The following DNER variants were observed in gnomAD, a reference collection of about 807,000 sequenced individuals.
The protein encoded by DNER is delta and Notch-like epidermal growth factor-related receptor.
In DNER, 33 loss-of-function variants were observed where a neutral mutation model predicts 78.2. The ratio of observed to expected loss-of-function variants is 0.42; its 90% confidence interval spans 0.32 to 0.56. The LOEUF (loss-of-function observed/expected upper bound fraction) is 0.56, where lower values mean the gene tolerates loss of function less well. DNER is among the 20% of genes least tolerant of loss of function. The pLI, the probability that DNER is intolerant of heterozygous loss-of-function variation, is 0.11. For synonymous variants in DNER, 417 were observed against 384.8 expected (o/e 1.08, Z -0.98); for missense variants, 918 against 975.3 (o/e 0.94, Z 0.78).
intron 6 of DNER, among the ~76,000 whole-genome samples, chr2:229,501,889 T>G (rs1241895140): frequency 6.6e-6 from 1 of 152,184 alleles, no homozygotes; most frequent in Non-Finnish European, 1.5e-5. Context: ...CAGCAGCTCA[T>G]AGTTGACCAA....
intron 6 of DNER, among the ~76,000 whole-genome samples, chr2:229,478,469 C>T (rs1390273720): frequency 1.3e-5 from 2 of 152,064 alleles, no homozygotes; most frequent in African/African-American, 4.8e-5. Flanking sequence ...GCATTCAAGC[C>T]GTGTAGGAGA....
rs140067137 is a variant in DNER, at chr2:229,523,309, C to T, written c.994-10373G>A. ...TATTCGTTTGCTAGGGCTGCCGTAA[C>T]GAAGTATCACAGAGTAGGTGGCTTA... On this transcript the variant is annotated intron_variant, in intron 5 of 12. Coordinates refer to ENST00000341772, the MANE Select transcript of DNER (RefSeq NM_139072.4). Among the ~76,000 whole-genome samples the T allele has an allele frequency of 6.6e-3, 1,010 of 152,340 alleles. 7 individuals are homozygous for T. The highest frequency in any genetic ancestry group is 0.023 in the African/African-American group (948 of 41,562).
At chr2:229,588,184 T>G (rs1697534712) in intron 3 of DNER, among the ~76,000 whole-genome samples, 3 of 152,194 alleles carry the variant, frequency 2.0e-5, no homozygotes, top group Admixed American at 6.5e-5. Flanking sequence ...AATTTCTCAA[T>G]TCCACTTGTC....
At chr2:229,706,272 C>T (rs923025490) in intron 1 of DNER, among the ~76,000 whole-genome samples, 2 of 151,948 alleles carry the variant, frequency 1.3e-5, no homozygotes, top group Non-Finnish European at 2.9e-5. Context: ...ATTTTTGGGC[C>T]GGACACAGTG....
intron 1 of DNER, among the ~76,000 whole-genome samples, chr2:229,665,283 C>T (rs897269986): frequency 6.6e-6 from 1 of 151,954 alleles, no homozygotes. Context: ...TTAAAGGACC[C>T]AGCAGAAAGA....
intron 4 of DNER, among the ~76,000 whole-genome samples, chr2:229,574,304 G>T (rs1168550876): frequency 1.1e-4 from 16 of 152,152 alleles, no homozygotes; most frequent in South Asian, 2.1e-4. Context: ...TTGAAATTCT[G>T]CCCAAAGAAG....
Position 229,492,770 on chromosome 2 carries a change from G to A in DNER, c.1148-15517C>T, listed in dbSNP as rs542600396. 3.9e-5 allele frequency among the ~76,000 whole-genome samples: 6 copies of A among 152,338 alleles called. 1 individual carries two copies. In the South Asian group the frequency reaches 1.2e-3, roughly 32 times the overall value. ...TGCAGCCTCAAACACCTGGGTTCAA[G>A]CTAACCTCCTGCGGCAGCCTCTGAA... On this transcript the variant is annotated intron_variant, in intron 6 of 12. Transcript: ENST00000341772.
chr2:229,505,666 A>G (rs1695724274), intron 6 of DNER, among the ~76,000 whole-genome samples: 1 of 152,242 alleles, frequency 6.6e-6, no homozygotes, highest in Non-Finnish European at 1.5e-5. Context: ...ATTAAACAAG[A>G]AAGACCTTTC....
At chr2:229,618,080 G>A (rs1436116927) in intron 1 of DNER, among the ~76,000 whole-genome samples, 1 of 152,204 alleles carries the variant, frequency 6.6e-6, no homozygotes, top group Non-Finnish European at 1.5e-5. Context: ...GCAAGAGGCA[G>A]GAGCTGTGCC....
chr2:229,447,474 C>T lies in DNER; in HGVS notation c.1328G>A (p.Gly443Asp). ...PCASSPCQNNGTCYVDGVHFT... is the reference protein window; with the variant it reads ...PCASSPCQNNDTCYVDGVHFT... ...GTGTACCCCGTCCACATAGCAGGTG[C>T]CGTTGTTCTGGCACGGAGACGAGGC... Residue 443 changes from glycine to aspartate, a missense_variant, in exon 8 of 13, where the codon GGC (glycine) becomes GAC (aspartate). Transcript: ENST00000341772. The T allele has an allele frequency of 6.2e-7, 1 of 1,614,166 alleles. No individual in the cohort carries two copies. The highest frequency in any genetic ancestry group is 1.1e-5 in the South Asian group (1 of 91,072).
chr2:229,629,884 G>A (rs1268678706), intron 1 of DNER, among the ~76,000 whole-genome samples: 2 of 152,092 alleles, frequency 1.3e-5, no homozygotes, highest in East Asian at 3.9e-4. Flanking sequence ...AGTAACTTGG[G>A]CATTTTCAGA....
intron 4 of DNER, among the ~76,000 whole-genome samples, chr2:229,549,266 C>T (rs1696684179): frequency 6.6e-6 from 1 of 152,114 alleles, no homozygotes; most frequent in Admixed American, 6.5e-5. Flanking sequence ...CCACAAAACA[C>T]TTATTCGATC....
chr2:229,626,952 G>A (rs533980932), intron 1 of DNER, among the ~76,000 whole-genome samples: 3 of 152,286 alleles, frequency 2.0e-5, no homozygotes, highest in Admixed American at 6.5e-5. Context: ...TCATGGGGTC[G>A]AACCCTGTTA....
chr2:229,436,477 C>T (rs973540263), intron 8 of DNER, among the ~76,000 whole-genome samples: 2 of 152,048 alleles, frequency 1.3e-5, no homozygotes, highest in Admixed American at 6.6e-5. Context: ...CAAAAGAAGG[C>T]CATGCCCAAG....
In DNER at chr2:229,512,878, T is replaced by A. The variant is rs1389423916; in HGVS notation, c.1052A>T (p.Asp351Val). ...TTGGCAAGGTTTCCTCTGGCAAGCATCGTATTCTTCACAGAAAGTACCCAC... is the reference window on the plus strand; with the variant it reads ...TTGGCAAGGTTTCCTCTGGCAAGCAACGTATTCTTCACAGAAAGTACCCAC... ...QYVGTFCEEY[D>V]ACQRKPCQNN... The change falls in exon 6 of 13, where the codon GAT becomes GTT. Residue 351 changes from aspartate to valine, a missense_variant. By Grantham distance (152) the Asp-to-Val change is radical. Coordinates refer to ENST00000341772, the MANE Select transcript of DNER (RefSeq NM_139072.4). 3 of 1,614,150 alleles carry A rather than the reference T, an allele frequency of 1.9e-6. No homozygotes were observed. The highest frequency in any genetic ancestry group is 2.5e-6 in the Non-Finnish European group (3 of 1,180,008).
chr2:229,430,457 A>G (rs947621056), intron 8 of DNER, among the ~76,000 whole-genome samples: 6 of 152,176 alleles, frequency 3.9e-5, no homozygotes, highest in Admixed American at 1.3e-4. Flanking sequence ...AGTGGGCACC[A>G]GCTAATCAGC....
chr2:229,432,155 T>C (rs1448773748), intron 8 of DNER, among the ~76,000 whole-genome samples: 5 of 152,208 alleles, frequency 3.3e-5, no homozygotes, highest in African/African-American at 9.6e-5. Context: ...TGTTTACATA[T>C]AAACAGTAAG....
At chr2:229,696,368 G>A (rs1016815519) in intron 1 of DNER, among the ~76,000 whole-genome samples, 3 of 152,188 alleles carry the variant, frequency 2.0e-5, no homozygotes, top group African/African-American at 7.2e-5. Context: ...GGGGTGCCAG[G>A]TCCTAGGAGG....
intron 7 of DNER, among the ~76,000 whole-genome samples, chr2:229,449,364 A>G (rs917889264): frequency 7.9e-5 from 12 of 152,248 alleles, no homozygotes; most frequent in African/African-American, 2.9e-4. Context: ...AGACAATAAA[A>G]TAATTTTTAT....
Sources: gnomAD v4.1 joint callset for allele counts (sites outside exome capture counted in the v4.1 genomes callset) on GRCh38, gnomAD v4.1.1 for gene constraint, MANE v1.5 for transcripts, NCBI Gene and HGNC (gene_info 2026-07-23, HGNC 2026-07-21) for gene names.